The following MAPK10 variants were observed in gnomAD, a reference collection of about 807,000 sequenced individuals.
The protein encoded by MAPK10 is JNK3 alpha protein kinase.
MAPK10 carries 25 observed loss-of-function variants against 59.3 expected under a neutral mutation model. The observed-to-expected ratio is 0.42, with a 90% CI of 0.31 to 0.59. The LOEUF is 0.59. Among genes scored for constraint, MAPK10 ranks in the 20% least tolerant of loss-of-function variants. The pLI, the probability that MAPK10 is intolerant of heterozygous loss-of-function variation, is 0.15. For synonymous variants in MAPK10, 190 were observed against 200.5 expected, an observed-to-expected ratio of 0.95 and a Z score of 0.44; for missense variants, 351 against 568.9, an observed-to-expected ratio of 0.62 and a Z score of 3.90.
At chr4:86,359,561 C>T (rs1181050111) in intron 1 of MAPK10, 97 bp downstream of exon 1, 21 of 451,756 alleles carry the variant, frequency 4.6e-5, no homozygotes, top group Non-Finnish European at 5.3e-5. Context: ...CTCGTCTCTT[C>T]CATACTCCCT....
At chr4:86,558,896 C>G (rs1475914375) in intron 1 of MAPK10, among the ~76,000 whole-genome samples, 1 of 151,226 alleles carries the variant, frequency 6.6e-6, no homozygotes, top group Non-Finnish European at 1.5e-5. Flanking sequence ...TGGGGACATT[C>G]TAGGGTCCAC....
At chr4:86,161,393 T>C (rs990638413) in intron 3 of MAPK10, among the ~76,000 whole-genome samples, 21 of 151,976 alleles carry the variant, frequency 1.4e-4, no homozygotes, top group Admixed American at 1.3e-3. Context: ...AAAAAGAACA[T>C]CAGTCTTTAA....
chr4:86,527,414 C>G (rs1262353644), intron 1 of MAPK10, among the ~76,000 whole-genome samples: 1 of 150,396 alleles, frequency 6.6e-6, no homozygotes, highest in African/African-American at 2.4e-5. Flanking sequence ...AAAACATGCT[C>G]CACACCATTA....
At chr4:86,331,576 G>GCAGC (rs1211226513) in intron 2 of MAPK10, among the ~76,000 whole-genome samples, 9 of 152,134 alleles carry the variant, frequency 5.9e-5, no homozygotes, top group Non-Finnish European at 7.3e-5. Context: ...TAGGATGTGA[G>GCAGC]CAGCGCACCA....
At chr4:86,204,467 T>C (rs2083362733) in intron 2 of MAPK10, among the ~76,000 whole-genome samples, 1 of 151,832 alleles carries the variant, frequency 6.6e-6, no homozygotes. Context: ...TTATCACCAA[T>C]GAGAGAAAGG....
At chr4:86,188,742 G>A (rs2078905618) in intron 3 of MAPK10, among the ~76,000 whole-genome samples, 2 of 152,080 alleles carry the variant, frequency 1.3e-5, no homozygotes, top group South Asian at 2.1e-4. Context: ...AAGCTCTTTA[G>A]TTTAACTAGA....
At chr4:86,388,274 A>G (rs1386930627) in intron 1 of MAPK10, among the ~76,000 whole-genome samples, 1 of 152,102 alleles carries the variant, frequency 6.6e-6, no homozygotes, top group African/African-American at 2.4e-5. Flanking sequence ...CCATGATATT[A>G]CATGGCATTA....
At position 86,231,113 on chromosome 4, in the gene MAPK10, G is replaced by T. The variant is rs138304652; in HGVS notation, c.-6-36706C>A. Among the ~76,000 whole-genome samples, 449 of 152,310 alleles carry T rather than the reference G, an allele frequency of 2.9e-3. 2 individuals are homozygous for T. The highest frequency in any genetic ancestry group is 0.01 in the African/African-American group (436 of 41,572). Reference sequence around the variant, plus strand: ...GCAAGGAGGGGATTTTTAATCTCATGAATTACTTGGTTATTAAAATAATTT... The same window carrying T: ...GCAAGGAGGGGATTTTTAATCTCATTAATTACTTGGTTATTAAAATAATTT... On this transcript the variant is annotated intron_variant, in intron 2 of 13. Transcript: ENST00000641462.
intron 1 of MAPK10, among the ~76,000 whole-genome samples, chr4:86,365,562 T>C (rs1737728896): frequency 4.0e-5 from 6 of 151,140 alleles, no homozygotes; most frequent in Admixed American, 4.0e-4. Context: ...ATCTTATACA[T>C]GGTAGGTGAT....
At chr4:86,192,974 T>G (rs901273100) in intron 3 of MAPK10, 1 of 152,118 alleles carries the variant, frequency 6.6e-6, no homozygotes, top group African/African-American at 2.4e-5. Context: ...AATGTCCTTT[T>G]TGTTGATGTT....
intron 3 of MAPK10, among the ~76,000 whole-genome samples, chr4:86,170,479 G>A (rs186721391): frequency 1.3e-5 from 2 of 152,256 alleles, no homozygotes; most frequent in East Asian, 3.9e-4. Flanking sequence ...GACGAAGAAG[G>A]CCATTACATA....
At chr4:86,266,729 G>A (rs1380677683) in intron 2 of MAPK10, among the ~76,000 whole-genome samples, 1 of 152,038 alleles carries the variant, frequency 6.6e-6, no homozygotes, top group Non-Finnish European at 1.5e-5. Flanking sequence ...TATTATGTTT[G>A]CAACTCTGAA....
At chr4:86,442,267 A>G (rs1223480140) in intron 1 of MAPK10, among the ~76,000 whole-genome samples, 1 of 152,202 alleles carries the variant, frequency 6.6e-6, no homozygotes, top group Non-Finnish European at 1.5e-5. Flanking sequence ...TTATTTCAAT[A>G]TTTCAATCTT....
intron 9 of MAPK10, among the ~76,000 whole-genome samples, chr4:86,092,954 A>C (rs1339196258): frequency 2.0e-5 from 3 of 152,032 alleles, no homozygotes; most frequent in Non-Finnish European, 2.9e-5. Flanking sequence ...CTTTCCTTAG[A>C]AGAAATGTTG....
intron 1 of MAPK10, among the ~76,000 whole-genome samples, chr4:86,514,248 G>A (rs1472096354): frequency 6.6e-6 from 1 of 152,014 alleles, no homozygotes; most frequent in South Asian, 2.1e-4. Context: ...TTGCAGAAAG[G>A]TTATCACAAC....
chr4:86,475,107 C>T (rs990465153), intron 1 of MAPK10, among the ~76,000 whole-genome samples: 2 of 152,146 alleles, frequency 1.3e-5, no homozygotes, highest in African/African-American at 2.4e-5. Flanking sequence ...AACGGCCCCA[C>T]TCCATCTCTC....
At chr4:86,534,860 C>T (rs747946701) in intron 1 of MAPK10, among the ~76,000 whole-genome samples, 2 of 151,984 alleles carry the variant, frequency 1.3e-5, no homozygotes, top group Non-Finnish European at 2.9e-5. Context: ...GAACCGAGAT[C>T]GCGCCAATGC....
chr4:86,496,190 T>G (rs1312382907), intron 1 of MAPK10, among the ~76,000 whole-genome samples: 2 of 152,222 alleles, frequency 1.3e-5, no homozygotes, highest in African/African-American at 4.8e-5. Context: ...CTACATGCTT[T>G]CCAGCCATTA....
At chr4:86,584,262 A>T (rs1015409765) in intron 1 of MAPK10, among the ~76,000 whole-genome samples, 5 of 152,190 alleles carry the variant, frequency 3.3e-5, no homozygotes, top group Admixed American at 6.5e-5. Flanking sequence ...TCCCTACAAC[A>T]TCAAGATTAA....
Sources: allele counts gnomAD v4.1 joint callset (sites outside exome capture counted in the v4.1 genomes callset), GRCh38; gene constraint gnomAD v4.1.1; transcripts MANE v1.5; gene names NCBI Gene and HGNC (gene_info 2026-07-23, HGNC 2026-07-21).